Variants in XRCC4 observed in about 807,000 individuals in gnomAD.
The protein encoded by XRCC4 is X-ray repair cross complementing 4.
Under a neutral mutation model 39.1 loss-of-function variants are expected in XRCC4, and 28 were observed. The ratio of observed to expected loss-of-function variants is 0.72; its 90% CI spans 0.53 to 0.98. The LOEUF is 0.98. XRCC4 is among the 50% of genes least tolerant of loss of function. The pLI, the probability that XRCC4 is intolerant of heterozygous loss-of-function variation, is 0.00. For synonymous variants in XRCC4, 123 were observed against 126.4 expected, an observed-to-expected ratio of 0.97 and a Z score of 0.18; for missense variants, 350 against 376.4, an observed-to-expected ratio of 0.93 and a Z score of 0.58.
At chr5:83,339,062 A>T (rs1756679391) in intron 7 of XRCC4, among the ~76,000 whole-genome samples, 1 of 152,216 alleles carries the variant, frequency 6.6e-6, no homozygotes, top group African/African-American at 2.4e-5. Context: ...TCATCTACAC[A>T]GCAAATTGCT....
chr5:83,246,374 T>G (rs1420525334), intron 6 of XRCC4, among the ~76,000 whole-genome samples: 1 of 152,136 alleles, frequency 6.6e-6, no homozygotes. Flanking sequence ...GTGTTAGGCT[T>G]TGAATTCAGT....
chr5:83,366,305 A>G, the XRCC4 span, among the ~76,000 whole-genome samples: 4 of 152,112 alleles, frequency 2.6e-5, no homozygotes, highest in African/African-American at 9.7e-5. Flanking sequence ...TAGATCCCCT[A>G]CGCTGTGGTG....
intron 6 of XRCC4, among the ~76,000 whole-genome samples, chr5:83,227,039 T>A (rs1752318088): frequency 6.6e-6 from 1 of 152,104 alleles, no homozygotes; most frequent in South Asian, 2.1e-4. Flanking sequence ...TTTTCTCATG[T>A]TCTTTTGCAT....
At chr5:83,188,607 G>T (rs1218237151) in intron 3 of XRCC4, among the ~76,000 whole-genome samples, 1 of 152,036 alleles carries the variant, frequency 6.6e-6, no homozygotes, top group Non-Finnish European at 1.5e-5. Context: ...AGGGCCTCAG[G>T]AAGCTTCCAA....
chr5:83,276,039 A>G (rs916700185), intron 7 of XRCC4, among the ~76,000 whole-genome samples: 2 of 152,158 alleles, frequency 1.3e-5, no homozygotes, highest in Admixed American at 6.5e-5. Flanking sequence ...CTGATTTACA[A>G]TGTCTTGACT....
At chr5:83,126,323 C>T (rs7717964) in intron 3 of XRCC4, among the ~76,000 whole-genome samples, 74,546 of 151,862 alleles carry the variant, frequency 0.49, 19,257 homozygotes, top group African/African-American at 0.63. Context: ...TCATTATGAG[C>T]ATCTATTAAT....
intron 7 of XRCC4, among the ~76,000 whole-genome samples, chr5:83,289,441 G>T (rs532787587): frequency 6.6e-6 from 1 of 151,840 alleles, no homozygotes; most frequent in South Asian, 2.1e-4. Flanking sequence ...AATGTTTGTT[G>T]TAGCTGTAGG....
chr5:83,285,311 G>C (rs971447464), intron 7 of XRCC4, among the ~76,000 whole-genome samples: 1 of 151,998 alleles, frequency 6.6e-6, no homozygotes, highest in African/African-American at 2.4e-5. Context: ...GACACTGAGG[G>C]GTGTTTCAAA....
At chr5:83,202,585 A>T (rs930012797) in intron 4 of XRCC4, among the ~76,000 whole-genome samples, 1 of 152,164 alleles carries the variant, frequency 6.6e-6, no homozygotes, top group Non-Finnish European at 1.5e-5. Flanking sequence ...GTGTCTATAT[A>T]TGTACACACA....
intron 7 of XRCC4, chr5:83,310,728 G>T (rs990408232): frequency 7.3e-5 from 33 of 453,226 alleles, no homozygotes; most frequent in African/African-American, 6.2e-4. Flanking sequence ...TATCTGAGAT[G>T]CAGGGGTTAT....
chr5:83,196,222 T>C (rs1460477104), intron 4 of XRCC4, among the ~76,000 whole-genome samples: 1 of 152,096 alleles, frequency 6.6e-6, no homozygotes, highest in Non-Finnish European at 1.5e-5. Context: ...ATTTAGGTAG[T>C]AAATATTTAT....
chr5:83,282,712 G>A (rs1754588317), intron 7 of XRCC4, among the ~76,000 whole-genome samples: 1 of 151,998 alleles, frequency 6.6e-6, no homozygotes, highest in Non-Finnish European at 1.5e-5. Flanking sequence ...CATGGTGGCA[G>A]GCGCCTGTAG....
At position 83,116,608 on chromosome 5, in the gene XRCC4, C is replaced by CTTTTTTGTTTGT. The variant is rs1561337448; in HGVS notation, c.315+5411_315+5412insGTTTGTTTTTTT. On this transcript the variant is annotated intron_variant, in intron 3 of 7. Transcript: ENST00000396027. ...GAAAGAATTACCAGTTTCTCTCTCT[C>CTTTTTTGTTTGT]TTTTTTTTTTTTTTTTTTTTTTTTT... 2.9e-5 allele frequency among the ~76,000 whole-genome samples: 3 copies of CTTTTTTGTTTGT among 103,196 alleles called. 1 individual carries two copies. The allele number at this position is 103,196 out of a possible 152,430, so 67.7% of individuals were successfully genotyped here.
At chr5:83,189,394 C>T (rs1042229694) in intron 3 of XRCC4, among the ~76,000 whole-genome samples, 15 of 152,056 alleles carry the variant, frequency 9.9e-5, no homozygotes, top group Non-Finnish European at 5.9e-5. Flanking sequence ...AATCGTATAG[C>T]GTAGCCTTAA....
At chr5:83,216,538 A>G (rs894844102) in intron 6 of XRCC4, among the ~76,000 whole-genome samples, 3 of 152,220 alleles carry the variant, frequency 2.0e-5, no homozygotes, top group Admixed American at 6.5e-5. Flanking sequence ...CATTAGTAAT[A>G]ATAACTCCAA....
chr5:83,139,366 T>C (rs1037932458), intron 3 of XRCC4, among the ~76,000 whole-genome samples: 4 of 152,220 alleles, frequency 2.6e-5, no homozygotes, highest in African/African-American at 9.6e-5. Flanking sequence ...ATACTTGATA[T>C]TCTTAAGCAT....
At position 83,290,755 on chromosome 5, in the gene XRCC4, G is replaced by T. The variant is rs571957821; in HGVS notation, c.893+32078G>T. ...AATTTTTTCCCTAATTAAATAAATTGAATTTTTATCCTTTTGTCAATGCCC... is the reference window on the plus strand; with the variant it reads ...AATTTTTTCCCTAATTAAATAAATTTAATTTTTATCCTTTTGTCAATGCCC... On this transcript the variant is annotated intron_variant, in intron 7 of 7. Transcript: ENST00000396027. 2.0e-5 allele frequency among the ~76,000 whole-genome samples: 3 copies of T among 151,860 alleles called. No individual in the cohort carries two copies. The East Asian group carries it at 5.8e-4, about 29-fold the overall frequency.
intron 3 of XRCC4, among the ~76,000 whole-genome samples, chr5:83,166,752 C>T (rs1252902668): frequency 6.6e-6 from 1 of 151,920 alleles, no homozygotes; most frequent in African/African-American, 2.4e-5. Flanking sequence ...GTTGGCATTA[C>T]AGGCGTGAGC....
At chr5:83,255,921 A>G (rs988289057) in intron 6 of XRCC4, among the ~76,000 whole-genome samples, 1 of 152,186 alleles carries the variant, frequency 6.6e-6, no homozygotes, top group Non-Finnish European at 1.5e-5. Context: ...AATAGGCCTC[A>G]TGGGATTTTT....
Sources: allele counts gnomAD v4.1 joint callset (sites outside exome capture counted in the v4.1 genomes callset), GRCh38; gene constraint gnomAD v4.1.1; transcripts MANE v1.5; gene names NCBI Gene and HGNC (gene_info 2026-07-23, HGNC 2026-07-21).